The following DYRK1A variants were observed in gnomAD, a reference collection of about 807,000 sequenced individuals.
DYRK1A encodes the protein dual specificity tyrosine phosphorylation regulated kinase 1A.
In DYRK1A, 9 loss-of-function variants were observed where a neutral mutation model predicts 79.7. The ratio of observed to expected loss-of-function variants is 0.11; its 90% CI spans 0.07 to 0.20. The LOEUF (loss-of-function observed/expected upper bound fraction) is 0.20. DYRK1A is among the 10% of genes least tolerant of loss of function. The probability of loss-of-function intolerance (pLI) is 1.00; values close to 1 mark genes in which losing one functional copy is unlikely to be tolerated. For synonymous variants in DYRK1A, 349 were observed against 329.7 expected (o/e 1.06, Z -0.63); for missense variants, 622 against 956.0 (o/e 0.65, Z 4.61).
intron 1 of DYRK1A, among the ~76,000 whole-genome samples, chr21:37,406,880 C>T (rs1014541113): frequency 5.5e-4 from 81 of 147,018 alleles, no homozygotes; most frequent in African/African-American, 2.0e-3. Flanking sequence ...ATTTTAATAT[C>T]CTAATTACCG....
chr21:37,526,277 C>G lies in DYRK1A; in HGVS notation c.*13746C>G, dbSNP rs2053967221. The G allele has an allele frequency of 6.6e-6, 1 of 152,050 alleles. No homozygotes were observed. 9.4% of individuals were successfully genotyped at this position (152,050 alleles called of 1,614,324 possible). A position where few individuals can be genotyped will look rare whatever the true frequency, so the allele number is the denominator to read the frequency against. On this transcript the variant is annotated 3_prime_UTR_variant, in exon 12 of 12. Coordinates refer to ENST00000647188, the MANE Select transcript of DYRK1A (RefSeq NM_001347721.2). ...GATTAATGTGTTGAAAGGCAACTAT[C>G]TAAAGAAAAATTTAATAGAGTCTAA... is the stretch of plus-strand genomic sequence containing the variant.
At chr21:37,386,684 C>CA (rs1430206736) in intron 1 of DYRK1A, among the ~76,000 whole-genome samples, 3 of 122,952 alleles carry the variant, frequency 2.4e-5, no homozygotes, top group Non-Finnish European at 5.1e-5. Context: ...GGACTTAACT[C>CA]ACAATTGGAA....
intron 1 of DYRK1A, among the ~76,000 whole-genome samples, chr21:37,402,836 C>T (rs779289173): frequency 3.9e-5 from 6 of 152,222 alleles, no homozygotes; most frequent in Non-Finnish European, 4.4e-5. Flanking sequence ...CATCTCGGCT[C>T]ACTGCAACCT....
chr21:37,479,613 T>TTTTTG (rs780401661), intron 4 of DYRK1A, among the ~76,000 whole-genome samples: 7,758 of 36,048 alleles, frequency 0.22, 529 homozygotes, highest in African/African-American at 0.26. Context: ...TTTGTTTTTG[T>TTTTTG]TTTTTGTTTT....
At chr21:37,483,856 T>G (rs2052749674) in intron 5 of DYRK1A, among the ~76,000 whole-genome samples, 1 of 152,052 alleles carries the variant, frequency 6.6e-6, no homozygotes, top group Non-Finnish European at 1.5e-5. Flanking sequence ...GTGCTGAGAT[T>G]ATAGGCCTGA....
At chr21:37,447,910 A>G (rs1415607947) in intron 2 of DYRK1A, among the ~76,000 whole-genome samples, 1 of 151,984 alleles carries the variant, frequency 6.6e-6, no homozygotes, top group African/African-American at 2.4e-5. Context: ...GATTAAAAAA[A>G]TTGTATATTA....
chr21:37,481,921 C>T (rs560774059), intron 5 of DYRK1A, among the ~76,000 whole-genome samples: 5 of 152,198 alleles, frequency 3.3e-5, no homozygotes, highest in African/African-American at 1.2e-4. Flanking sequence ...CCTTCTATCA[C>T]ATTGAGTCAC....
intron 9 of DYRK1A, among the ~76,000 whole-genome samples, chr21:37,497,151 CG>C (rs11354606): frequency 1 from 152,312 of 152,316 alleles, 76,154 homozygotes; most frequent in Non-Finnish European, 1. Context: ...TGTATTTTAG[CG>C]GACGCTGCCA....
At chr21:37,456,562 G>A (rs756317756) in intron 2 of DYRK1A, among the ~76,000 whole-genome samples, 2 of 152,128 alleles carry the variant, frequency 1.3e-5, no homozygotes, top group Non-Finnish European at 1.5e-5. Flanking sequence ...TCCCCTCTGA[G>A]ATCAGTTTAT....
At position 37,526,019 on chromosome 21, in the gene DYRK1A, T is replaced by TTAA. The variant is rs1601352004; in HGVS notation, c.*13488_*13489insTAA. On this transcript the variant is annotated 3_prime_UTR_variant, in exon 12 of 12. Coordinates refer to ENST00000647188, the MANE Select transcript of DYRK1A (RefSeq NM_001347721.2). Reference sequence around the variant, plus strand: ...AACAGTGTTTATGTGAAACTCCTACTGTGTTAAGTGATTTCAAGAAGAACT... The same window carrying TTAA: ...AACAGTGTTTATGTGAAACTCCTACTTAAGTGTTAAGTGATTTCAAGAAGAACT... 2 of 152,366 alleles carry TTAA rather than the reference T, an allele frequency of 1.3e-5. No individual in the cohort carries two copies. Among genetic ancestry groups the TTAA allele is most frequent in the East Asian group, 3.9e-4 (2 of 5,192 alleles). 9.4% of individuals were successfully genotyped at this position (152,366 alleles called of 1,614,324 possible). A position where few individuals can be genotyped will look rare whatever the true frequency, so the allele number is the denominator to read the frequency against.
chr21:37,368,987 T>C (rs1033452048), intron 1 of DYRK1A, among the ~76,000 whole-genome samples: 1 of 152,174 alleles, frequency 6.6e-6, no homozygotes, highest in African/African-American at 2.4e-5. Context: ...AAGAAAACTA[T>C]GTAGTCAATT....
intron 9 of DYRK1A, among the ~76,000 whole-genome samples, chr21:37,499,380 T>C (rs529553321): frequency 1.3e-5 from 2 of 152,352 alleles, no homozygotes; most frequent in African/African-American, 4.8e-5. Context: ...GCAATTACTT[T>C]ACCCTGTTGA....
chr21:37,371,243 A>T (rs2049423087), intron 1 of DYRK1A, among the ~76,000 whole-genome samples: 1 of 152,246 alleles, frequency 6.6e-6, no homozygotes. Flanking sequence ...ACTTCATGTG[A>T]CTAAAATAAT....
At chr21:37,474,479 T>C (rs1241307416) in intron 3 of DYRK1A, among the ~76,000 whole-genome samples, 3 of 152,200 alleles carry the variant, frequency 2.0e-5, no homozygotes, top group African/African-American at 7.2e-5. Flanking sequence ...GGAGTCATAT[T>C]AGAGGATCCC....
rs548876098 is a variant in DYRK1A, at chr21:37,366,812, T to G, written c.-893T>G. Reference sequence around the variant, plus strand: ...GTCGCCATTTTGTTGGTTGGTTTTTTTTTAAACCCTTTCGCTTCCCGCCCG... The same window carrying G: ...GTCGCCATTTTGTTGGTTGGTTTTTGTTTAAACCCTTTCGCTTCCCGCCCG... On this transcript the variant is annotated 5_prime_UTR_variant, in exon 1 of 12. Coordinates refer to ENST00000647188, the MANE Select transcript of DYRK1A (RefSeq NM_001347721.2). 1 of 152,086 alleles carries G rather than the reference T, an allele frequency of 6.6e-6. No homozygotes were observed. The highest frequency in any genetic ancestry group is 1.5e-5 in the Non-Finnish European group (1 of 68,004). 9.4% of individuals were successfully genotyped at this position (152,086 alleles called of 1,614,324 possible). A position where few individuals can be genotyped will look rare whatever the true frequency, so the allele number is the denominator to read the frequency against.
chr21:37,412,965 T>A (rs1326478564), intron 1 of DYRK1A, among the ~76,000 whole-genome samples: 1 of 152,138 alleles, frequency 6.6e-6, no homozygotes. Flanking sequence ...CAGGGAAAGA[T>A]GTATAGAGAA....
chr21:37,383,115 G>C (rs1268480778), intron 1 of DYRK1A, among the ~76,000 whole-genome samples: 3 of 152,220 alleles, frequency 2.0e-5, no homozygotes, highest in Non-Finnish European at 4.4e-5. Context: ...TCCATGACTG[G>C]CAGTGCTTGC....
At chr21:37,452,586 C>T (rs2051489620) in intron 2 of DYRK1A, among the ~76,000 whole-genome samples, 1 of 152,154 alleles carries the variant, frequency 6.6e-6, no homozygotes, top group Non-Finnish European at 1.5e-5. Flanking sequence ...CAGACAGCCA[C>T]TGCCAATCTA....
chr21:37,498,774 A>G (rs987659512), intron 9 of DYRK1A, among the ~76,000 whole-genome samples: 16 of 152,124 alleles, frequency 1.1e-4, no homozygotes, highest in African/African-American at 3.9e-4. Flanking sequence ...GTTTTATTTT[A>G]TATTCCCATG....
Sources: gnomAD v4.1 joint callset for allele counts (sites outside exome capture counted in the v4.1 genomes callset) on GRCh38, gnomAD v4.1.1 for gene constraint, MANE v1.5 for transcripts, NCBI Gene and HGNC (gene_info 2026-07-23, HGNC 2026-07-21) for gene names.